Variants in DYNC2I1 observed in about 807,000 individuals in gnomAD.
The protein encoded by DYNC2I1 is dynein 2 intermediate chain 1.
Under a neutral mutation model 133.4 loss-of-function variants are expected in DYNC2I1, and 89 were observed. The ratio of observed to expected loss-of-function variants is 0.67; its 90% CI spans 0.56 to 0.80. The LOEUF is 0.80. DYNC2I1 is among the 30% of genes least tolerant of loss of function. DYNC2I1 has a pLI of 0.00. For missense variants in DYNC2I1, 1,291 were observed against 1,314.5 expected (o/e 0.98, Z 0.28); for synonymous variants, 504 against 484.3 (o/e 1.04, Z -0.54).
At chr7:158,940,423 G>C (rs933186317) in intron 23 of DYNC2I1, among the ~76,000 whole-genome samples, 1 of 152,172 alleles carries the variant, frequency 6.6e-6, no homozygotes, top group African/African-American at 2.4e-5. Flanking sequence ...GGCCCAGTTC[G>C]TAATAGGCCG....
intron 10 of DYNC2I1, among the ~76,000 whole-genome samples, chr7:158,905,636 G>A (rs1846718096): frequency 6.6e-6 from 1 of 152,120 alleles, no homozygotes. Context: ...AATTTTGTAT[G>A]TCCTTGTTCC....
downstream of DYNC2I1, among the ~76,000 whole-genome samples, chr7:158,949,677 A>G (rs1257515233): frequency 6.6e-6 from 1 of 152,196 alleles, no homozygotes; most frequent in African/African-American, 2.4e-5. Flanking sequence ...GCGGAAAGCT[A>G]GAGGAGAGCA....
chr7:158,931,689 C>G (rs1412259300), intron 21 of DYNC2I1, among the ~76,000 whole-genome samples: 1 of 152,076 alleles, frequency 6.6e-6, no homozygotes, highest in African/African-American at 2.4e-5. Flanking sequence ...TTTTTCTTAC[C>G]CAAAAACTCC....
At chr7:158,855,258 T>G (rs1458391691), upstream of DYNC2I1, among the ~76,000 whole-genome samples, 1 of 152,010 alleles carries the variant, frequency 6.6e-6, no homozygotes, top group Admixed American at 6.6e-5. Context: ...GAGCCAGGAG[T>G]GCTGATTGGT....
chr7:158,871,071 A>G lies in DYNC2I1; in HGVS notation c.70-71A>G, dbSNP rs950943026. The G allele has an allele frequency of 3.3e-6, 5 of 1,501,672 alleles. No homozygotes were observed. The African/African-American group carries it at 4.2e-5, about 13-fold the overall frequency. 93.0% of individuals were successfully genotyped at this position (1,501,672 alleles called of 1,614,324 possible). On this transcript the variant is annotated intron_variant, in intron 2 of 24. Coordinates refer to ENST00000407559, the MANE Select transcript of DYNC2I1 (RefSeq NM_018051.5). ...CCCTTCAGCTGTGTGTGCTTCTCAC[A>G]TTCAGGTATTAAAAGTCTAATGGAA...
At chr7:158,897,013 T>G (rs1037532763) in intron 8 of DYNC2I1, among the ~76,000 whole-genome samples, 68 of 149,372 alleles carry the variant, frequency 4.6e-4, no homozygotes, top group Non-Finnish European at 8.4e-4. Flanking sequence ...AGACAGAGTC[T>G]CTCTCTGTCT....
chr7:158,844,446 TG>T, the DYNC2I1 span, among the ~76,000 whole-genome samples: 6 of 150,740 alleles, frequency 4.0e-5, no homozygotes, highest in Middle Eastern at 3.2e-3. Context: ...GGAGAGCGCG[TG>T]GGAATTGGGG....
At chr7:158,927,148 C>G in intron 20 of DYNC2I1, 105 bp downstream of exon 20, 1 of 762,930 alleles carries the variant, frequency 1.3e-6, no homozygotes, top group Non-Finnish European at 2.1e-6. Context: ...CTGCTGGGAG[C>G]CTCAGCACGT....
chr7:158,839,769 A>G, the DYNC2I1 span, among the ~76,000 whole-genome samples: 1 of 151,952 alleles, frequency 6.6e-6, no homozygotes, highest in Non-Finnish European at 1.5e-5. Flanking sequence ...GCAGTGAGCC[A>G]AGATAGTGAT....
intron 15 of DYNC2I1, among the ~76,000 whole-genome samples, chr7:158,920,569 CCT>C (rs1441744421): frequency 6.6e-6 from 1 of 152,010 alleles, no homozygotes; most frequent in Non-Finnish European, 1.5e-5. Flanking sequence ...CAGTGCGTGG[CCT>C]CTGTCGGGGA....
intron 21 of DYNC2I1, among the ~76,000 whole-genome samples, chr7:158,931,348 G>T (rs1044806426): frequency 4.6e-5 from 7 of 152,188 alleles, no homozygotes; most frequent in Non-Finnish European, 8.8e-5. Flanking sequence ...AAACCTGTGG[G>T]TTGTGTTAAT....
chr7:158,855,265 T>C (rs1203208816), upstream of DYNC2I1, among the ~76,000 whole-genome samples: 2 of 152,136 alleles, frequency 1.3e-5, no homozygotes, highest in Non-Finnish European at 2.9e-5. Context: ...GAGTGCTGAT[T>C]GGTCAGAGAT....
In DYNC2I1 at chr7:158,911,448, C is replaced by T. The variant is rs1314862315; in HGVS notation, c.1461-102C>T. The T allele has an allele frequency of 5.4e-6, 7 of 1,304,708 alleles. No homozygotes were observed. The South Asian group carries it at 1.1e-4, about 20-fold the overall frequency. The allele number at this position is 1,304,708 out of a possible 1,614,324, so 80.8% of individuals were successfully genotyped here. A position where few individuals can be genotyped will look rare whatever the true frequency, so the allele number is the denominator to read the frequency against. On this transcript the variant is annotated intron_variant, in intron 11 of 24. Transcript: ENST00000407559. ...CCCCAGCCTGAAGCTAGGTTTCTGACAATAACATGCATTTAACTCTAAGTT... is the reference window on the plus strand; with the variant it reads ...CCCCAGCCTGAAGCTAGGTTTCTGATAATAACATGCATTTAACTCTAAGTT...
the DYNC2I1 span, among the ~76,000 whole-genome samples, chr7:158,843,020 C>T: frequency 6.6e-6 from 1 of 152,252 alleles, no homozygotes; most frequent in Non-Finnish European, 1.5e-5. Flanking sequence ...CATCCACATA[C>T]TGGAGCAAAT....
At chr7:158,839,975 C>A in the DYNC2I1 span, among the ~76,000 whole-genome samples, 1 of 151,030 alleles carries the variant, frequency 6.6e-6, no homozygotes, top group Admixed American at 6.6e-5. Context: ...CCACACCCGG[C>A]TAATTGAAAA....
chr7:158,926,804 G>A (rs1048075885), intron 19 of DYNC2I1, among the ~76,000 whole-genome samples, 188 bp from the exon 20 acceptor site: 1 of 152,222 alleles, frequency 6.6e-6, no homozygotes, highest in Non-Finnish European at 1.5e-5. Context: ...AAGAGAACAC[G>A]AGGAGATCAA....
chr7:158,896,317 A>G (rs1423340307), intron 8 of DYNC2I1, among the ~76,000 whole-genome samples: 1 of 152,062 alleles, frequency 6.6e-6, no homozygotes, highest in African/African-American at 2.4e-5. Flanking sequence ...GATTTTGTCA[A>G]ATGTTTTTTC....
rs756106133 is a variant in DYNC2I1 at position 158,879,863 on chromosome 7, AG to A, written c.757del (p.Glu253LysfsTer65). 4 of 1,613,668 alleles carry A rather than the reference AG, an allele frequency of 2.5e-6. No homozygotes were observed. The East Asian group carries it at 8.9e-5, about 36-fold the overall frequency. The stretch of plus-strand genomic sequence containing the variant: ...AGAAAAGTAATTCATTCTCTGACAA[AG>A]GGGAAGAAAGACATAAAGAAAAGCG... ...KEKSNSFSDK[G>X]EERHKEKRHK... On this transcript the variant is annotated frameshift_variant, in exon 5 of 25. Coordinates refer to ENST00000407559, the MANE Select transcript of DYNC2I1 (RefSeq NM_018051.5). LOFTEE classifies it high-confidence loss of function.
At chr7:158,881,535 C>G (rs1189043919) in intron 5 of DYNC2I1, among the ~76,000 whole-genome samples, 13 of 152,044 alleles carry the variant, frequency 8.6e-5, no homozygotes, top group Non-Finnish European at 1.6e-4. Context: ...CTCACTGCAA[C>G]CTTGGCCTCC....
Sources: allele counts gnomAD v4.1 joint callset (sites outside exome capture counted in the v4.1 genomes callset), GRCh38; gene constraint gnomAD v4.1.1; transcripts MANE v1.5; gene names NCBI Gene and HGNC (gene_info 2026-07-23, HGNC 2026-07-21).